The following ARHGAP26 variants were observed in gnomAD, a reference collection of about 807,000 sequenced individuals.
ARHGAP26 encodes rho GTPase-activating protein 26.
A neutral mutation model predicts 104.8 loss-of-function variants in ARHGAP26; 38 were observed. The observed-to-expected ratio is 0.36, with a 90% CI of 0.28 to 0.48. The LOEUF is 0.48. ARHGAP26 is among the 20% of genes least tolerant of loss of function. The probability of loss-of-function intolerance (pLI) is 0.99; values close to 1 mark genes in which losing one functional copy is unlikely to be tolerated. For synonymous variants in ARHGAP26, 341 were observed against 340.0 expected, an observed-to-expected ratio of 1.00 and a Z score of -0.03; for missense variants, 704 against 947.9, an observed-to-expected ratio of 0.74 and a Z score of 3.38.
chr5:143,176,736 A>G (rs889615329), intron 20 of ARHGAP26, among the ~76,000 whole-genome samples: 1 of 152,208 alleles, frequency 6.6e-6, no homozygotes, highest in Non-Finnish European at 1.5e-5. Flanking sequence ...GTAGCAGACC[A>G]TTAGGCAGAG....
chr5:143,060,682 A>T (rs775375354), intron 17 of ARHGAP26, among the ~76,000 whole-genome samples: 12 of 151,940 alleles, frequency 7.9e-5, no homozygotes, highest in Non-Finnish European at 1.3e-4. Context: ...GCCTCAAAGC[A>T]TGGTTAGAAT....
intron 20 of ARHGAP26, among the ~76,000 whole-genome samples, chr5:143,163,204 A>G (rs988760964): frequency 6.6e-6 from 1 of 152,190 alleles, no homozygotes; most frequent in African/African-American, 2.4e-5. Context: ...GGGAGATCAG[A>G]TCTACGTATG....
intron 9 of ARHGAP26, among the ~76,000 whole-genome samples, chr5:142,909,508 C>T (rs539621074): frequency 6.6e-6 from 1 of 152,322 alleles, no homozygotes; most frequent in South Asian, 2.1e-4. Context: ...AGTTTTTCTT[C>T]CTGGCTTTCT....
intron 12 of ARHGAP26, among the ~76,000 whole-genome samples, chr5:143,022,130 G>T (rs1374855643): frequency 4.6e-5 from 7 of 152,088 alleles, no homozygotes; most frequent in African/African-American, 1.4e-4. Flanking sequence ...GGAGTGCAGT[G>T]GTGTGATCAC....
chr5:143,078,545 G>A, intron 17 of ARHGAP26, among the ~76,000 whole-genome samples: 1 of 152,136 alleles, frequency 6.6e-6, no homozygotes, highest in Non-Finnish European at 1.5e-5. Context: ...TTTTATAGCA[G>A]TTGGGCGGGG....
At chr5:143,012,552 C>CATACATATATATATATATATATATAT (rs1200923855) in intron 11 of ARHGAP26, among the ~76,000 whole-genome samples, 2 of 20,832 alleles carry the variant, frequency 9.6e-5, no homozygotes, top group African/African-American at 2.4e-4. Flanking sequence ...TACATACATA[C>CATACATATATATATATATATATATAT]ATATATATAT....
At chr5:142,784,201 T>A (rs1758079970) in intron 1 of ARHGAP26, among the ~76,000 whole-genome samples, 1 of 152,244 alleles carries the variant, frequency 6.6e-6, no homozygotes, top group Non-Finnish European at 1.5e-5. Context: ...TGTTTCCTCT[T>A]ACGTAGCCAG....
At chr5:142,919,978 G>T (rs1281159515) in intron 10 of ARHGAP26, among the ~76,000 whole-genome samples, 1 of 152,056 alleles carries the variant, frequency 6.6e-6, no homozygotes, top group East Asian at 1.9e-4. Context: ...CTCCAGCCTG[G>T]GTGACAGAGG....
At chr5:142,858,374 G>A (rs1034817041) in intron 1 of ARHGAP26, among the ~76,000 whole-genome samples, 1 of 152,196 alleles carries the variant, frequency 6.6e-6, no homozygotes, top group Non-Finnish European at 1.5e-5. Flanking sequence ...AAGGAAGAAA[G>A]TGAGTGGGGA....
intron 1 of ARHGAP26, among the ~76,000 whole-genome samples, chr5:142,811,986 C>T (rs1426700069): frequency 6.6e-6 from 1 of 152,176 alleles, no homozygotes; most frequent in Non-Finnish European, 1.5e-5. Context: ...TCCTGGTCAC[C>T]TCCTGAAATA....
At chr5:142,991,981 A>G (rs1775688651) in intron 11 of ARHGAP26, among the ~76,000 whole-genome samples, 1 of 152,224 alleles carries the variant, frequency 6.6e-6, no homozygotes, top group African/African-American at 2.4e-5. Context: ...CTACATCTAT[A>G]CTAGTTGCTA....
chr5:142,931,489 A>G (rs1764708840), intron 10 of ARHGAP26, among the ~76,000 whole-genome samples: 1 of 152,232 alleles, frequency 6.6e-6, no homozygotes, highest in African/African-American at 2.4e-5. Context: ...ATGATTAAGT[A>G]TTCATTTTTA....
intron 11 of ARHGAP26, among the ~76,000 whole-genome samples, chr5:142,956,125 A>T (rs1040847396): frequency 1.3e-5 from 2 of 152,234 alleles, no homozygotes; most frequent in African/African-American, 4.8e-5. Context: ...TGTTTTCATT[A>T]TCTGAGTCCC....
chr5:143,220,321 G>A (rs113118273), intron 22 of ARHGAP26, among the ~76,000 whole-genome samples: 79 of 152,254 alleles, frequency 5.2e-4, no homozygotes, highest in Middle Eastern at 3.4e-3. Flanking sequence ...TTACTAGGTC[G>A]CTACTAGGAG....
At chr5:143,160,512 G>T (rs1801099719) in intron 20 of ARHGAP26, among the ~76,000 whole-genome samples, 1 of 150,912 alleles carries the variant, frequency 6.6e-6, no homozygotes, top group African/African-American at 2.4e-5. Flanking sequence ...TTTAGACAGG[G>T]TCTCACTCTG....
intron 1 of ARHGAP26, among the ~76,000 whole-genome samples, chr5:142,788,202 T>C (rs1257238035): frequency 2.6e-5 from 4 of 152,074 alleles, no homozygotes; most frequent in Non-Finnish European, 5.9e-5. Flanking sequence ...GGTTTCACCA[T>C]GTTGGCCAGG....
chr5:143,073,380 G>T (rs1788539349), intron 17 of ARHGAP26, among the ~76,000 whole-genome samples: 1 of 152,142 alleles, frequency 6.6e-6, no homozygotes. Flanking sequence ...GATAAAGTTG[G>T]GAGCATCTCT....
intron 17 of ARHGAP26, among the ~76,000 whole-genome samples, chr5:143,060,190 T>C (rs1159822172): frequency 6.6e-6 from 1 of 152,218 alleles, no homozygotes; most frequent in Admixed American, 6.5e-5. Context: ...CTGGGCTACT[T>C]ACTTAATGGT....
At chr5:143,158,436 C>A (rs138137101) in intron 20 of ARHGAP26, among the ~76,000 whole-genome samples, 1 of 152,112 alleles carries the variant, frequency 6.6e-6, no homozygotes, top group Non-Finnish European at 1.5e-5. Context: ...CTGGAAACTA[C>A]GCTGATTAGG....
Sources: gnomAD v4.1 joint callset for allele counts (sites outside exome capture counted in the v4.1 genomes callset) on GRCh38, gnomAD v4.1.1 for gene constraint, MANE v1.5 for transcripts, NCBI Gene and HGNC (gene_info 2026-07-23, HGNC 2026-07-21) for gene names.